PIGN: variants seen among roughly 807,000 people sequenced by gnomAD.
PIGN encodes the protein GPI ethanolamine phosphate transferase 1.
PIGN carries 117 observed loss-of-function variants against 125.4 expected under a neutral mutation model. The observed-to-expected ratio is 0.93, with a 90% CI of 0.80 to 1.09. The LOEUF (loss-of-function observed/expected upper bound fraction) is 1.09. Among genes scored for constraint, PIGN ranks in the 50% least tolerant of loss-of-function variants. The probability of loss-of-function intolerance (pLI) is 0.00; values close to 1 mark genes in which losing one functional copy is unlikely to be tolerated. For synonymous variants in PIGN, 392 were observed against 377.8 expected, an observed-to-expected ratio of 1.04 and a Z score of -0.44; for missense variants, 1,075 against 1,094.9, an observed-to-expected ratio of 0.98 and a Z score of 0.26.
At chr18:62,099,248 G>A (rs2034338520) in intron 22 of PIGN, among the ~76,000 whole-genome samples, 1 of 152,012 alleles carries the variant, frequency 6.6e-6, no homozygotes, top group Non-Finnish European at 1.5e-5. Flanking sequence ...AAGGCAAATG[G>A]AAACAGCACG....
intron 14 of PIGN, among the ~76,000 whole-genome samples, chr18:62,125,294 T>C (rs2035493331): frequency 6.6e-6 from 1 of 151,904 alleles, no homozygotes; most frequent in South Asian, 2.1e-4. Flanking sequence ...GAATTTTTAA[T>C]GTAGTTGTAA....
chr18:62,175,857 A>G (rs964704566), intron 1 of PIGN, among the ~76,000 whole-genome samples: 1 of 152,150 alleles, frequency 6.6e-6, no homozygotes, highest in African/African-American at 2.4e-5. Context: ...CAAGTCAAAG[A>G]GAAATTTTAC....
At chr18:62,150,710 T>C (rs1162464299) in intron 7 of PIGN, among the ~76,000 whole-genome samples, 2 of 151,858 alleles carry the variant, frequency 1.3e-5, no homozygotes, top group Non-Finnish European at 2.9e-5. Flanking sequence ...TGTTTGTTTG[T>C]TTGTTTTTGA....
intron 30 of PIGN, among the ~76,000 whole-genome samples, chr18:62,057,585 G>C (rs1048138572): frequency 6.6e-6 from 1 of 152,052 alleles, no homozygotes; most frequent in Non-Finnish European, 1.5e-5. Context: ...CCTCCAATAG[G>C]TTCTTTACAT....
At chr18:62,071,050 C>T (rs9962837) in intron 30 of PIGN, among the ~76,000 whole-genome samples, 50,629 of 151,932 alleles carry the variant, frequency 0.33, 9,374 homozygotes, top group East Asian at 0.63. Context: ...CTCAAGCAGT[C>T]CTCCCACCTC....
At chr18:62,057,073 TG>T (rs2145291254) in intron 30 of PIGN, among the ~76,000 whole-genome samples, 1 of 152,284 alleles carries the variant, frequency 6.6e-6, no homozygotes, top group South Asian at 2.1e-4. Context: ...CCAAAATGAC[TG>T]GGGACCACTG....
At chr18:62,127,853 C>T (rs1599585287) in intron 14 of PIGN, among the ~76,000 whole-genome samples, 1 of 151,932 alleles carries the variant, frequency 6.6e-6, no homozygotes, top group Non-Finnish European at 1.5e-5. Flanking sequence ...ATTTTTCTTA[C>T]TCCAATTATC....
intron 7 of PIGN, among the ~76,000 whole-genome samples, chr18:62,153,014 G>A (rs2036596232): frequency 6.6e-6 from 1 of 152,032 alleles, no homozygotes; most frequent in Non-Finnish European, 1.5e-5. Flanking sequence ...AGCCTCTTCT[G>A]AGACCTGGCT....
chr18:62,183,716 T>A (rs1418905929), intron 1 of PIGN, among the ~76,000 whole-genome samples: 1 of 152,172 alleles, frequency 6.6e-6, no homozygotes, highest in Non-Finnish European at 1.5e-5. Context: ...AGGACTCAAA[T>A]GTTTGCTGAA....
chr18:62,068,190 T>C (rs2032638338), intron 30 of PIGN, among the ~76,000 whole-genome samples: 1 of 152,188 alleles, frequency 6.6e-6, no homozygotes, highest in Non-Finnish European at 1.5e-5. Context: ...TCCATGGGGA[T>C]GAAGGAAGGA....
chr18:62,138,251 T>C lies in PIGN; in HGVS notation c.1164A>G (p.Thr388=). Residue 388 remains threonine (T), a synonymous_variant, in exon 14 of 31, where the codon ACA becomes ACG. Coordinates refer to ENST00000640252, the MANE Select transcript of PIGN (RefSeq NM_176787.5). The part of the protein sequence containing the change: ...KKEVTLPFLF[T]PFKLLSDSKQ... ...AAATGTAAGGGACTTACTTAAATGGTGTAAACAAAAATGGTAAAGTAACTT... is the reference window on the plus strand; with the variant it reads ...AAATGTAAGGGACTTACTTAAATGGCGTAAACAAAAATGGTAAAGTAACTT... 1 of 1,547,934 alleles carries C rather than the reference T, an allele frequency of 6.5e-7. No homozygotes were observed. Among genetic ancestry groups the C allele is most frequent in the Non-Finnish European group, 8.7e-7 (1 of 1,146,018 alleles).
At chr18:62,152,209 G>A (rs1295408433) in intron 7 of PIGN, among the ~76,000 whole-genome samples, 2 of 152,166 alleles carry the variant, frequency 1.3e-5, no homozygotes, top group Non-Finnish European at 2.9e-5. Context: ...GTTAAGATAA[G>A]AGATTGTGGA....
rs954624424 is a variant in PIGN, at chr18:62,145,014, G to A, written c.922+895C>T. ...CTGTCTCTAAGGAAACTGGCGGGGG[G>A]GGGGGGGCAGGGTGGAGAAAGGAGC... On this transcript the variant is annotated intron_variant, in intron 10 of 30. Coordinates refer to ENST00000640252, the MANE Select transcript of PIGN (RefSeq NM_176787.5). Among the ~76,000 whole-genome samples, 119 of 17,134 alleles carry A rather than the reference G, an allele frequency of 6.9e-3. 2 individuals carry two copies. Among genetic ancestry groups the A allele is most frequent in the African/African-American group, 0.043 (102 of 2,352 alleles). The allele number at this position is 17,134 out of a possible 152,430, so 11.2% of individuals were successfully genotyped here. A position where few individuals can be genotyped will look rare whatever the true frequency, so the allele number is the denominator to read the frequency against.
chr18:62,044,835 G>A lies in PIGN; in HGVS notation c.*1021C>T, dbSNP rs2030547207. 1 of 152,130 alleles carries A rather than the reference G, an allele frequency of 6.6e-6. No homozygotes were observed. Among genetic ancestry groups the A allele is most frequent in the Non-Finnish European group, 1.5e-5 (1 of 68,022 alleles). 9.4% of individuals were successfully genotyped at this position (152,130 alleles called of 1,614,324 possible). A position where few individuals can be genotyped will look rare whatever the true frequency, so the allele number is the denominator to read the frequency against. ...GGCCAACTCTGCAGGGATATGTAAA[G>A]GTCATTTTATGGATAATCCATATAA... is the stretch of plus-strand genomic sequence containing the variant. On this transcript the variant is annotated 3_prime_UTR_variant, in exon 31 of 31. Coordinates refer to ENST00000640252, the MANE Select transcript of PIGN (RefSeq NM_176787.5).
At chr18:62,035,308 G>C (rs17633651) in intron 23 of PIGN, among the ~76,000 whole-genome samples, 26,577 of 152,076 alleles carry the variant, frequency 0.17, 3,162 homozygotes, top group Middle Eastern at 0.28. Context: ...CCAAAGAAAA[G>C]CAATGGCAAA....
intron 14 of PIGN, among the ~76,000 whole-genome samples, chr18:62,128,444 C>G (rs914070947): frequency 6.6e-6 from 1 of 151,974 alleles, no homozygotes; most frequent in African/African-American, 2.4e-5. Context: ...AACCACTAGG[C>G]CACGGAAGGT....
chr18:62,085,172 T>C, intron 26 of PIGN, 37 bp downstream of exon 26: 1 of 1,164,184 alleles, frequency 8.6e-7, no homozygotes, highest in Non-Finnish European at 1.2e-6. Flanking sequence ...GCATTATTTT[T>C]TAGTTATATA....
intron 1 of PIGN, among the ~76,000 whole-genome samples, chr18:62,170,996 GA>G (rs1291431571): frequency 6.6e-6 from 1 of 152,184 alleles, no homozygotes; most frequent in Non-Finnish European, 1.5e-5. Flanking sequence ...AAGGCTGAGA[GA>G]GGTAAGGAAG....
chr18:62,086,613 T>G (rs1172351839), intron 25 of PIGN, among the ~76,000 whole-genome samples: 2 of 102,868 alleles, frequency 1.9e-5, no homozygotes, highest in Non-Finnish European at 3.8e-5. Flanking sequence ...AAGACTCCGT[T>G]TTTTGTTTTT....
Sources: allele counts gnomAD v4.1 joint callset (sites outside exome capture counted in the v4.1 genomes callset), GRCh38; gene constraint gnomAD v4.1.1; transcripts MANE v1.5; gene names NCBI Gene and HGNC (gene_info 2026-07-23, HGNC 2026-07-21).